The following ARMC1 variants were observed in gnomAD, a reference collection of about 807,000 sequenced individuals.
ARMC1 encodes armadillo repeat-containing protein 1.
ARMC1 carries 16 observed loss-of-function variants against 31.4 expected under a neutral mutation model. The ratio of observed to expected loss-of-function variants is 0.51; its 90% confidence interval spans 0.34 to 0.77. ARMC1 has a LOEUF of 0.77. Among genes scored for constraint, ARMC1 ranks in the 30% least tolerant of loss-of-function variants. ARMC1 has a pLI of 0.01. For missense variants in ARMC1, 259 were observed against 347.5 expected (o/e 0.75, Z 2.02); for synonymous variants, 114 against 118.9 (o/e 0.96, Z 0.27).
chr8:65,612,720 G>A (rs1214623521), intron 4 of ARMC1, among the ~76,000 whole-genome samples: 1 of 151,882 alleles, frequency 6.6e-6, no homozygotes, highest in Non-Finnish European at 1.5e-5. Flanking sequence ...AAATTAGCCA[G>A]GCATGGTGGT....
At chr8:65,614,346 T>C (rs892458557) in intron 3 of ARMC1, among the ~76,000 whole-genome samples, 15 of 152,186 alleles carry the variant, frequency 9.9e-5, no homozygotes, top group Admixed American at 9.8e-4. Context: ...TCTGCAATGA[T>C]AGAAATGTTC....
intron 1 of ARMC1, among the ~76,000 whole-genome samples, chr8:65,631,463 A>T (rs1808642656): frequency 6.6e-6 from 1 of 152,078 alleles, no homozygotes; most frequent in Admixed American, 6.6e-5. Flanking sequence ...TGAACTCCTG[A>T]CCTCAGGTGA....
rs192471567 is a variant in ARMC1, at chr8:65,625,765, A to G, written c.183+1451T>C. Among the ~76,000 whole-genome samples the G allele has an allele frequency of 1.3e-3, 198 of 152,332 alleles. 2 individuals are homozygous for G. The highest frequency in any genetic ancestry group is 2.4e-3 in the Non-Finnish European group (166 of 68,032). Reference sequence around the variant, plus strand: ...AAAGGCAAAATAGAAATTTTTTTCCAAAAGGAAAAGTCTATATGCCTTCTG... The same window carrying G: ...AAAGGCAAAATAGAAATTTTTTTCCGAAAGGAAAAGTCTATATGCCTTCTG... On this transcript the variant is annotated intron_variant, in intron 2 of 6. Transcript: ENST00000276569.
At chr8:65,604,685 T>G in intron 6 of ARMC1, 100 bp from the exon 7 acceptor site, 1 of 955,936 alleles carries the variant, frequency 1.0e-6, no homozygotes, top group South Asian at 1.6e-5. Context: ...TACATGACAG[T>G]AGGCCCAATT....
chr8:65,623,955 G>A (rs368357153), intron 2 of ARMC1, among the ~76,000 whole-genome samples: 5 of 151,000 alleles, frequency 3.3e-5, no homozygotes, highest in South Asian at 2.1e-4. Context: ...CAGCCACCAC[G>A]CCTGGCTAAT....
chr8:65,616,369 G>A (rs142339926), intron 3 of ARMC1, among the ~76,000 whole-genome samples: 18,218 of 152,284 alleles, frequency 0.12, 1,247 homozygotes, highest in Middle Eastern at 0.17. Flanking sequence ...TCCTAACCAC[G>A]AGTGATCTGC....
intron 2 of ARMC1, 130 bp downstream of exon 2, chr8:65,627,086 G>T: frequency 1.3e-6 from 1 of 754,042 alleles, no homozygotes; most frequent in Non-Finnish European, 2.1e-6. Context: ...ACATATGTTT[G>T]TACCTACATA....
chr8:65,630,390 C>T (rs180847167), intron 1 of ARMC1, among the ~76,000 whole-genome samples: 1 of 152,286 alleles, frequency 6.6e-6, no homozygotes, highest in African/African-American at 2.4e-5. Flanking sequence ...TTGCATACAA[C>T]GCTGGCCTTG....
intron 4 of ARMC1, among the ~76,000 whole-genome samples, chr8:65,612,388 C>G (rs540005937): frequency 6.6e-6 from 1 of 150,660 alleles, no homozygotes; most frequent in African/African-American, 2.4e-5. Context: ...CCCAGGAGTT[C>G]GAGCCTGCAG....
At chr8:65,617,449 C>T (rs1265311027) in intron 3 of ARMC1, among the ~76,000 whole-genome samples, 4 of 152,000 alleles carry the variant, frequency 2.6e-5, no homozygotes, top group South Asian at 2.1e-4. Flanking sequence ...ATCACCACTC[C>T]CTAATCTCAA....
At chr8:65,622,503 T>A in intron 2 of ARMC1, 149 bp from the exon 3 acceptor site, 1 of 621,034 alleles carries the variant, frequency 1.6e-6, no homozygotes, top group South Asian at 2.0e-5. Flanking sequence ...TCAGAATTAT[T>A]CCCTAGGGAA....
At chr8:65,617,662 T>C (rs1307065754) in intron 3 of ARMC1, among the ~76,000 whole-genome samples, 2 of 151,890 alleles carry the variant, frequency 1.3e-5, no homozygotes, top group East Asian at 3.9e-4. Flanking sequence ...CTTTAATTCA[T>C]GGCAACAACA....
At chr8:65,613,162 T>C in intron 4 of ARMC1, 82 bp downstream of exon 4, 1 of 1,163,598 alleles carries the variant, frequency 8.6e-7, no homozygotes, top group Non-Finnish European at 1.2e-6. Flanking sequence ...TATCGAGATT[T>C]ATTCTCAAAG....
chr8:65,625,826 T>A lies in ARMC1; in HGVS notation c.183+1390A>T, dbSNP rs533992145. ...TGAAATTAGACTAAATGGGGAATCA[T>A]CACGAGTCCTTAAGTAAAGGGCAAT... On this transcript the variant is annotated intron_variant, in intron 2 of 6. Transcript: ENST00000276569. 4.6e-5 allele frequency among the ~76,000 whole-genome samples: 7 copies of A among 152,176 alleles called. No individual in the cohort carries two copies. The South Asian group carries it at 1.5e-3, about 32-fold the overall frequency.
At chr8:65,615,533 C>T (rs771992291) in intron 3 of ARMC1, among the ~76,000 whole-genome samples, 5 of 151,832 alleles carry the variant, frequency 3.3e-5, no homozygotes, top group South Asian at 4.2e-4. Flanking sequence ...GGCGAAACCC[C>T]GTCTCTACTA....
chr8:65,605,698 T>G (rs1009677929), intron 4 of ARMC1, among the ~76,000 whole-genome samples, 160 bp from the exon 5 acceptor site: 21 of 152,200 alleles, frequency 1.4e-4, no homozygotes, highest in Non-Finnish European at 2.6e-4. Flanking sequence ...TTAGTCAAAT[T>G]TTTTAAATTT....
At chr8:65,619,157 G>A (rs1015391231) in intron 3 of ARMC1, among the ~76,000 whole-genome samples, 4 of 152,070 alleles carry the variant, frequency 2.6e-5, no homozygotes, top group East Asian at 1.9e-4. Context: ...TTAGTAATTC[G>A]CCAGTAAAAT....
At chr8:65,620,021 C>T (rs962591807) in intron 3 of ARMC1, among the ~76,000 whole-genome samples, 2 of 151,526 alleles carry the variant, frequency 1.3e-5, no homozygotes, top group African/African-American at 4.8e-5. Flanking sequence ...GGCCTAAGTC[C>T]CTGCTGCTCA....
rs200769057 is a variant in ARMC1, at chr8:65,627,357, A to T, written c.42T>A (p.Ala14=). Reference sequence around the variant, plus strand: ...CCCGTAACTGGTTAACTACCGATAGAGCGTCAGGCTCTTCACTCATGGTGG... The same window carrying T: ...CCCGTAACTGGTTAACTACCGATAGTGCGTCAGGCTCTTCACTCATGGTGG... ...STSTMSEEPD[A]LSVVNQLRDL... is the part of the protein sequence containing the mutation. Residue 14 remains alanine, a synonymous_variant, in exon 2 of 7, where the codon GCT becomes GCA. Coordinates refer to ENST00000276569, the MANE Select transcript of ARMC1 (RefSeq NM_018120.6). The T allele has an allele frequency of 1.4e-5, 22 of 1,608,250 alleles. No individual in the cohort carries two copies. Among genetic ancestry groups the T allele is most frequent in the Non-Finnish European group, 1.7e-6 (2 of 1,176,770 alleles).
Sources: gnomAD v4.1 joint callset for allele counts (sites outside exome capture counted in the v4.1 genomes callset) on GRCh38, gnomAD v4.1.1 for gene constraint, MANE v1.5 for transcripts, NCBI Gene and HGNC (gene_info 2026-07-23, HGNC 2026-07-21) for gene names.